HTR4: variants seen among roughly 807,000 people sequenced by gnomAD.
HTR4 encodes 5-hydroxytryptamine receptor 4.
HTR4 carries 16 observed loss-of-function variants against 36.8 expected under a neutral mutation model. That is an observed-to-expected ratio of 0.43 (90% CI 0.29 to 0.66). The LOEUF (loss-of-function observed/expected upper bound fraction) is 0.66. HTR4 is among the 30% of genes least tolerant of loss of function. The pLI, the probability that HTR4 is intolerant of heterozygous loss-of-function variation, is 0.13. For synonymous variants in HTR4, 189 were observed against 185.1 expected (o/e 1.02, Z -0.17); for missense variants, 438 against 490.9 (o/e 0.89, Z 1.02).
At chr5:148,538,431 C>T (rs1758935916) in intron 4 of HTR4, among the ~76,000 whole-genome samples, 1 of 152,120 alleles carries the variant, frequency 6.6e-6, no homozygotes, top group Non-Finnish European at 1.5e-5. Flanking sequence ...GGAAGTTCAA[C>T]TATGCTTTTT....
At chr5:148,455,267 C>T (rs1332533576) in intron 5 of HTR4, among the ~76,000 whole-genome samples, 2 of 152,116 alleles carry the variant, frequency 1.3e-5, no homozygotes, top group Non-Finnish European at 2.9e-5. Flanking sequence ...ACTCCTGAAC[C>T]TTTGCCCTGT....
intron 5 of HTR4, among the ~76,000 whole-genome samples, chr5:148,456,446 C>A (rs1755103486): frequency 6.6e-6 from 1 of 152,258 alleles, no homozygotes; most frequent in South Asian, 2.1e-4. Flanking sequence ...TCTAAACATC[C>A]TCAATTTGGG....
At chr5:148,490,153 A>T (rs1409090872) in intron 6 of HTR4, among the ~76,000 whole-genome samples, 1 of 148,206 alleles carries the variant, frequency 6.7e-6, no homozygotes, top group Admixed American at 6.8e-5. Flanking sequence ...GTATATATAT[A>T]ATATATAATA....
At chr5:148,573,654 G>A (rs1760769374) in intron 2 of HTR4, among the ~76,000 whole-genome samples, 1 of 151,960 alleles carries the variant, frequency 6.6e-6, no homozygotes, top group South Asian at 2.1e-4. Context: ...ACAACATAAT[G>A]AGCACCAGAA....
At chr5:148,561,705 G>A (rs568608463) in intron 2 of HTR4, among the ~76,000 whole-genome samples, 1 of 151,740 alleles carries the variant, frequency 6.6e-6, no homozygotes, top group Non-Finnish European at 1.5e-5. Context: ...TAAAACACAT[G>A]ACATGTTTTC....
rs115959506 is a variant in HTR4 at position 148,458,290 on chromosome 5, T to C, written c.1077-7018A>G. 1.5e-3 allele frequency among the ~76,000 whole-genome samples: 230 copies of C among 151,634 alleles called. 1 individual carries two copies. The highest frequency in any genetic ancestry group is 5.4e-3 in the African/African-American group (222 of 41,386). The stretch of plus-strand genomic sequence containing the variant: ...TTAGCTGGAAACAAAGATTTTACAG[T>C]TGGTATTTTTTCCATGAACACAAAT... On this transcript the variant is annotated intron_variant, in intron 5 of 5. Transcript: ENST00000521530.
intron 2 of HTR4, among the ~76,000 whole-genome samples, chr5:148,559,643 A>G (rs966915911): frequency 2.0e-5 from 3 of 152,152 alleles, no homozygotes; most frequent in African/African-American, 7.2e-5. Context: ...ACTCCGATGG[A>G]CAATCTCTGG....
At chr5:148,621,025 G>T (rs1187120738) in intron 2 of HTR4, among the ~76,000 whole-genome samples, 3 of 152,184 alleles carry the variant, frequency 2.0e-5, no homozygotes, top group Non-Finnish European at 4.4e-5. Context: ...ATATTTGTAT[G>T]TGTCAGAAAA....
chr5:148,506,629 C>G (rs542910407), intron 6 of HTR4, among the ~76,000 whole-genome samples: 1 of 152,092 alleles, frequency 6.6e-6, no homozygotes, highest in Non-Finnish European at 1.5e-5. Flanking sequence ...ACCCATCTGA[C>G]AAAGGGCTAA....
intron 4 of HTR4, among the ~76,000 whole-genome samples, chr5:148,528,234 T>C (rs1758382107): frequency 6.6e-6 from 1 of 152,250 alleles, no homozygotes; most frequent in Non-Finnish European, 1.5e-5. Flanking sequence ...TGTCTAGGTA[T>C]ATGTTTTACT....
intron 2 of HTR4, among the ~76,000 whole-genome samples, chr5:148,583,067 G>A (rs1432230955): frequency 6.6e-6 from 1 of 151,192 alleles, no homozygotes; most frequent in Admixed American, 6.6e-5. Context: ...TATTGGCTGT[G>A]GGTTTGTCAT....
intron 3 of HTR4, among the ~76,000 whole-genome samples, chr5:148,549,798 C>T (rs1454487576): frequency 6.6e-6 from 1 of 152,164 alleles, no homozygotes; most frequent in Non-Finnish European, 1.5e-5. Context: ...ATTTCTAGAT[C>T]TGTCCCTTGT....
At chr5:148,524,168 C>T (rs142084353) in intron 4 of HTR4, among the ~76,000 whole-genome samples, 57 of 152,240 alleles carry the variant, frequency 3.7e-4, no homozygotes, top group East Asian at 1.2e-3. Context: ...TGAGTTATTA[C>T]TAAGTGTGAG....
chr5:148,468,676 A>G (rs968669841), intron 5 of HTR4, among the ~76,000 whole-genome samples: 2 of 152,164 alleles, frequency 1.3e-5, no homozygotes, highest in Non-Finnish European at 2.9e-5. Context: ...TACAAAGTGT[A>G]TTTTATTTAT....
intron 1 of HTR4, among the ~76,000 whole-genome samples, chr5:148,642,210 G>C (rs1403811350): frequency 1.3e-5 from 2 of 152,132 alleles, no homozygotes; most frequent in African/African-American, 4.8e-5. Flanking sequence ...AATCAAGGGT[G>C]GGAGCCTGAC....
At chr5:148,467,808 C>T (rs1252199529) in intron 5 of HTR4, among the ~76,000 whole-genome samples, 1 of 152,182 alleles carries the variant, frequency 6.6e-6, no homozygotes, top group Non-Finnish European at 1.5e-5. Context: ...TATGTTTTTA[C>T]ATACAGAGAT....
At chr5:148,566,945 C>T (rs1418127885) in intron 2 of HTR4, among the ~76,000 whole-genome samples, 6 of 151,066 alleles carry the variant, frequency 4.0e-5, no homozygotes, top group Non-Finnish European at 7.4e-5. Context: ...TATTACATTG[C>T]TAATCCACAA....
intron 4 of HTR4, among the ~76,000 whole-genome samples, chr5:148,535,998 G>A (rs755801842): frequency 1.3e-5 from 2 of 150,320 alleles, no homozygotes; most frequent in Non-Finnish European, 3.0e-5. Context: ...GAGAGAGGAG[G>A]TCACCTACAA....
At chr5:148,524,005 T>A (rs2113798756) in intron 4 of HTR4, among the ~76,000 whole-genome samples, 1 of 152,034 alleles carries the variant, frequency 6.6e-6, no homozygotes, top group Non-Finnish European at 1.5e-5. Flanking sequence ...GTTTTTTTTT[T>A]TGAATTGTGG....
Sources: gnomAD v4.1 joint callset for allele counts (sites outside exome capture counted in the v4.1 genomes callset) on GRCh38, gnomAD v4.1.1 for gene constraint, MANE v1.5 for transcripts, NCBI Gene and HGNC (gene_info 2026-07-23, HGNC 2026-07-21) for gene names.